DNAH14: variants seen among roughly 807,000 people sequenced by gnomAD.
The protein encoded by DNAH14 is dynein axonemal heavy chain 14.
Under a neutral mutation model 520.9 loss-of-function variants are expected in DNAH14, and 478 were observed. The ratio of observed to expected loss-of-function variants is 0.92; its 90% CI spans 0.85 to 0.99. The LOEUF (loss-of-function observed/expected upper bound fraction) is 0.99, where lower values mean the gene tolerates loss of function less well. Ranked by LOEUF, DNAH14 falls within the 50% of genes least tolerant of loss-of-function variation. The pLI, the probability that DNAH14 is intolerant of heterozygous loss-of-function variation, is 0.00. For missense variants in DNAH14, 4,831 were observed against 5,234.5 expected (o/e 0.92, Z 2.38); for synonymous variants, 1,581 against 1,757.2 (o/e 0.90, Z 2.51).
At chr1:225,075,651 G>A (rs566882174) in intron 17 of DNAH14, among the ~76,000 whole-genome samples, 22 of 152,144 alleles carry the variant, frequency 1.4e-4, no homozygotes, top group African/African-American at 4.3e-4. Flanking sequence ...ATTGAGTCCA[G>A]GAGTTCAGAG....
At chr1:225,075,912 C>T (rs556379866) in intron 17 of DNAH14, among the ~76,000 whole-genome samples, 1 of 152,168 alleles carries the variant, frequency 6.6e-6, no homozygotes, top group South Asian at 2.1e-4. Context: ...ACTAGTCAGC[C>T]TATCCAGATA....
chr1:225,252,717 T>C (rs559444197), intron 44 of DNAH14, among the ~76,000 whole-genome samples: 4 of 152,100 alleles, frequency 2.6e-5, no homozygotes, highest in Non-Finnish European at 5.9e-5. Context: ...TTAGCTGTAA[T>C]TATTGGGACA....
chr1:225,286,809 A>G (rs1250197457), intron 54 of DNAH14, among the ~76,000 whole-genome samples: 3 of 152,230 alleles, frequency 2.0e-5, no homozygotes, highest in African/African-American at 7.2e-5. Flanking sequence ...ATAATCACCA[A>G]AAACTGGAAG....
At chr1:225,342,191 G>A (rs571383894) in intron 69 of DNAH14, among the ~76,000 whole-genome samples, 2 of 152,118 alleles carry the variant, frequency 1.3e-5, no homozygotes, top group East Asian at 3.9e-4. Flanking sequence ...TTTTAAAAAG[G>A]CAAAATTTTA....
intron 28 of DNAH14, among the ~76,000 whole-genome samples, chr1:225,142,517 C>G (rs1158840792): frequency 6.6e-6 from 1 of 152,148 alleles, no homozygotes; most frequent in African/African-American, 2.4e-5. Flanking sequence ...TCATAAAAAG[C>G]AAGTATCCCA....
chr1:225,237,441 A>G (rs922103365), intron 42 of DNAH14, among the ~76,000 whole-genome samples: 3 of 152,164 alleles, frequency 2.0e-5, no homozygotes, highest in South Asian at 2.1e-4. Context: ...TTGGCCCCCA[A>G]TGTCTTCTGG....
chr1:225,145,457 C>T lies in DNAH14; in HGVS notation c.4794+78C>T, dbSNP rs2079847441. On this transcript the variant is annotated intron_variant, in intron 30 of 85. Transcript: ENST00000682510. ...AACAATTCATTGAAGAATAAAAGAA[C>T]AAGAAAAATATTTATCTGAGACAAA... The T allele has an allele frequency of 5.1e-6, 6 of 1,171,978 alleles. No individual in the cohort carries two copies. In the South Asian group the frequency reaches 1.1e-4, roughly 21 times the overall value. 72.6% of individuals were successfully genotyped at this position (1,171,978 alleles called of 1,614,324 possible). A position where few individuals can be genotyped will look rare whatever the true frequency, so the allele number is the denominator to read the frequency against.
intron 42 of DNAH14, among the ~76,000 whole-genome samples, chr1:225,235,979 A>C (rs2091550902): frequency 6.6e-6 from 1 of 152,116 alleles, no homozygotes; most frequent in Admixed American, 6.5e-5. Context: ...TTTTTTCAAA[A>C]AATCAGCTGC....
chr1:224,974,639 G>T lies in DNAH14; in HGVS notation c.830+486G>T, dbSNP rs147591032. Among the ~76,000 whole-genome samples, 317 of 152,250 alleles carry T rather than the reference G, an allele frequency of 2.1e-3. 1 individual carries two copies. The highest frequency in any genetic ancestry group is 7.3e-3 in the African/African-American group (303 of 41,558). On this transcript the variant is annotated intron_variant, in intron 8 of 85. Transcript: ENST00000682510. ...AGTCTATGATGACAGCCAGGGCATT[G>T]ACAATGATATATAATCAAGATATAG...
intron 8 of DNAH14, among the ~76,000 whole-genome samples, chr1:224,993,771 A>G (rs10915758): frequency 0.043 from 6,603 of 151,904 alleles, 421 homozygotes; most frequent in African/African-American, 0.14. Flanking sequence ...CGTAACATTA[A>G]GTTGTTTATT....
intron 15 of DNAH14, among the ~76,000 whole-genome samples, chr1:225,047,451 T>A (rs1481182739): frequency 2.0e-5 from 3 of 152,168 alleles, no homozygotes; most frequent in African/African-American, 7.2e-5. Context: ...TATATAATCC[T>A]TACCACTATT....
chr1:224,952,511 G>A (rs997535957), intron 1 of DNAH14, among the ~76,000 whole-genome samples, 159 bp from the exon 2 acceptor site: 3 of 152,114 alleles, frequency 2.0e-5, no homozygotes, highest in Non-Finnish European at 2.9e-5. Context: ...CTTAGTGAAG[G>A]GTTTGGAAAT....
intron 41 of DNAH14, among the ~76,000 whole-genome samples, chr1:225,230,723 GTT>G (rs1223050160): frequency 6.6e-6 from 1 of 151,998 alleles, no homozygotes; most frequent in Non-Finnish European, 1.5e-5. Flanking sequence ...CCGATTTATT[GTT>G]TAGCTTGTAA....
intron 42 of DNAH14, among the ~76,000 whole-genome samples, chr1:225,235,640 T>C (rs555980304): frequency 6.6e-6 from 1 of 152,338 alleles, no homozygotes; most frequent in East Asian, 1.9e-4. Context: ...GTACCTCTAG[T>C]AGAATTCAGC....
chr1:225,059,667 G>A (rs1309173283), intron 17 of DNAH14, among the ~76,000 whole-genome samples: 2 of 152,334 alleles, frequency 1.3e-5, no homozygotes, highest in East Asian at 1.9e-4. Flanking sequence ...GCTGGTACCA[G>A]TTGTTCCTTT....
intron 78 of DNAH14, among the ~76,000 whole-genome samples, chr1:225,376,371 G>T (rs2150711233): frequency 6.6e-6 from 1 of 152,198 alleles, no homozygotes; most frequent in African/African-American, 2.4e-5. Flanking sequence ...AGGTTGAAGT[G>T]AACCGAGATC....
At chr1:225,357,507 C>T (rs968310400) in intron 73 of DNAH14, among the ~76,000 whole-genome samples, 4 of 152,160 alleles carry the variant, frequency 2.6e-5, no homozygotes, top group Non-Finnish European at 5.9e-5. Context: ...TTTCACTCAA[C>T]GATTCTAACA....
intron 21 of DNAH14, among the ~76,000 whole-genome samples, chr1:225,089,607 G>A (rs1444271030): frequency 2.6e-5 from 4 of 151,872 alleles, no homozygotes; most frequent in East Asian, 1.9e-4. Context: ...AATCAAGTCC[G>A]TCAATATACA....
intron 30 of DNAH14, among the ~76,000 whole-genome samples, chr1:225,146,670 A>T (rs1237311295): frequency 1.3e-5 from 2 of 152,176 alleles, no homozygotes; most frequent in Non-Finnish European, 2.9e-5. Context: ...CCCGCCACTA[A>T]GCCATAAGGC....
Sources: gnomAD v4.1 joint callset for allele counts (sites outside exome capture counted in the v4.1 genomes callset) on GRCh38, gnomAD v4.1.1 for gene constraint, MANE v1.5 for transcripts, NCBI Gene and HGNC (gene_info 2026-07-23, HGNC 2026-07-21) for gene names.